FOXF2: variants seen among roughly 807,000 people sequenced by gnomAD.
FOXF2 encodes the protein forkhead box protein F2.
In FOXF2, 15 loss-of-function variants were observed where a neutral mutation model predicts 29.1. The observed-to-expected ratio is 0.52, with a 90% CI of 0.35 to 0.79. FOXF2 has a LOEUF of 0.79. Among genes scored for constraint, FOXF2 ranks in the 30% least tolerant of loss-of-function variants. The pLI, the probability that FOXF2 is intolerant of heterozygous loss-of-function variation, is 0.01. For synonymous variants in FOXF2, 337 were observed against 316.5 expected, an observed-to-expected ratio of 1.06 and a Z score of -0.69; for missense variants, 675 against 667.1, an observed-to-expected ratio of 1.01 and a Z score of -0.13.
intron 1 of FOXF2, among the ~76,000 whole-genome samples, chr6:1,394,283 C>T (rs1170248831): frequency 2.0e-5 from 3 of 152,140 alleles, no homozygotes; most frequent in Admixed American, 1.3e-4. Context: ...GGTGCTTGGC[C>T]CTCCCTGAAG....
At chr6:1,393,339 G>A (rs1581263460) in intron 1 of FOXF2, among the ~76,000 whole-genome samples, 1 of 152,096 alleles carries the variant, frequency 6.6e-6, no homozygotes, top group Non-Finnish European at 1.5e-5. Flanking sequence ...GCACATCAAA[G>A]CGCCGACGGC....
intron 1 of FOXF2, among the ~76,000 whole-genome samples, chr6:1,393,946 G>T (rs964426551): frequency 1.3e-5 from 2 of 152,216 alleles, no homozygotes; most frequent in African/African-American, 2.4e-5. Context: ...GGAGAGCAGG[G>T]TCCAGGCCTT....
intron 1 of FOXF2, 132 bp downstream of exon 1, chr6:1,391,250 C>A: frequency 6.8e-7 from 1 of 1,471,206 alleles, no homozygotes; most frequent in Non-Finnish European, 9.2e-7. Flanking sequence ...AAAGCAGATG[C>A]TGGGGAAAGC....
At chr6:1,391,620 G>C (rs1465265797) in intron 1 of FOXF2, among the ~76,000 whole-genome samples, 1 of 152,156 alleles carries the variant, frequency 6.6e-6, no homozygotes, top group Non-Finnish European at 1.5e-5. Flanking sequence ...AGCTGGGCAA[G>C]TGTTAAGAGG....
Position 1,391,068 on chromosome 6 carries a change from A to G in FOXF2, c.1121A>G (p.Tyr374Cys), listed in dbSNP as rs767804919. 4 of 1,603,230 alleles carry G rather than the reference A, an allele frequency of 2.5e-6. No individual in the cohort carries two copies. Among genetic ancestry groups the G allele is most frequent in the African/African-American group, 1.3e-5 (1 of 74,996 alleles). Residue 374 changes from tyrosine (Y) to cysteine (C), a missense_variant, in exon 1 of 2, where the codon TAC (tyrosine) becomes TGC (cysteine). Tyr to Cys is a radical substitution (Grantham distance 194). Coordinates refer to ENST00000645481, the MANE Select transcript of FOXF2 (RefSeq NM_001452.2). ...SAGLHSSMSS[Y>C]SLEQSYLHQN... ...GGCCTGCACTCCAGCATGTCCTCCT[A>G]CTCGCTGGAGCAGAGCTACTTGCAC...
rs1366298476 is a variant in FOXF2 at position 1,395,051 on chromosome 6, A to G, written c.*192A>G. 8.0e-6 allele frequency: 5 copies of G among 624,762 alleles called. No homozygotes were observed. The highest frequency in any genetic ancestry group is 1.4e-5 in the Non-Finnish European group (5 of 355,060). The allele number at this position is 624,762 out of a possible 1,614,324, so 38.7% of individuals were successfully genotyped here. A position where few individuals can be genotyped will look rare whatever the true frequency, so the allele number is the denominator to read the frequency against. On this transcript the variant is annotated 3_prime_UTR_variant, in exon 2 of 2. Coordinates refer to ENST00000645481, the MANE Select transcript of FOXF2 (RefSeq NM_001452.2). ...GCTGGAAGAAGGACAACCGCTGGCA[A>G]GGTAGCGTTCCCCAATCTGAATACC...
In FOXF2 at chr6:1,390,090, C is replaced by T; in HGVS notation, c.143C>T (p.Ser48Phe). 1.4e-6 allele frequency: 2 copies of T among 1,428,244 alleles called. No homozygotes were observed. Among genetic ancestry groups the T allele is most frequent in the Non-Finnish European group, 1.8e-6 (2 of 1,081,284 alleles). 88.5% of individuals were successfully genotyped at this position (1,428,244 alleles called of 1,614,324 possible). Residue 48 changes from serine to phenylalanine, a missense_variant, in exon 1 of 2, where the codon TCC becomes TTC. Physicochemically the swap from Ser to Phe is radical, Grantham distance 155 (BLOSUM62 -2). Coordinates refer to ENST00000645481, the MANE Select transcript of FOXF2 (RefSeq NM_001452.2). This position sits in a 1 kb window ranked among gnomAD's most constrained non-coding sequence, Gnocchi z 8.5. ...GCCGCCCCGGAGACCACCTCCTCCTCCTCGTCGTCGTCCTCCGCCTCCTGC... is the reference window on the plus strand; with the variant it reads ...GCCGCCCCGGAGACCACCTCCTCCTTCTCGTCGTCGTCCTCCGCCTCCTGC... ...AAAAPETTSS[S>F]SSSSSASCAS...
At chr6:1,393,430 C>T (rs1250499643) in intron 1 of FOXF2, among the ~76,000 whole-genome samples, 1 of 152,038 alleles carries the variant, frequency 6.6e-6, no homozygotes, top group Admixed American at 6.5e-5. Flanking sequence ...GCCATCAGAA[C>T]TTGCTTTAAC....
chr6:1,391,170 C>A, intron 1 of FOXF2, 52 bp downstream of exon 1: 1 of 1,589,110 alleles, frequency 6.3e-7, no homozygotes, highest in Non-Finnish European at 8.5e-7. Flanking sequence ...TTCTAGGCCT[C>A]CAGGGCTGGC....
intron 1 of FOXF2, among the ~76,000 whole-genome samples, chr6:1,392,980 T>C (rs1173759300): frequency 1.3e-5 from 2 of 152,170 alleles, no homozygotes; most frequent in Admixed American, 1.3e-4. Context: ...CCCGGCCCTG[T>C]TGCCATCTCC....
At position 1,390,573 on chromosome 6, in the gene FOXF2, G is replaced by A; in HGVS notation, c.626G>A (p.Arg209His). The part of the protein sequence containing the change: ...KCQALKPMYH[R>H]VVSGLGFGAS... ...CAGGCGCTCAAGCCCATGTACCACC[G>A]CGTGGTGAGCGGCTTGGGCTTCGGG... Residue 209 changes from arginine to histidine, a missense_variant, in exon 1 of 2, where the codon CGC becomes CAC. By Grantham distance (29) the Arg-to-His change is conservative. Transcript: ENST00000645481. This position sits in a 1 kb window ranked among gnomAD's most constrained non-coding sequence, Gnocchi z 8.5. 1.2e-6 allele frequency: 2 copies of A among 1,601,228 alleles called. No individual in the cohort carries two copies. Among genetic ancestry groups the A allele is most frequent in the East Asian group, 2.2e-5 (1 of 44,648 alleles).
rs1758777896 is a variant in FOXF2 at position 1,391,019 on chromosome 6, A to G, written c.1072A>G (p.Ser358Gly). ...YLKQPPALTP[S>G]SNPAASAGLH... is the part of the protein sequence containing the mutation. ...CAAGCAGCCGCCTGCCCTGACGCCC[A>G]GCAGCAACCCCGCCGCCTCGGCAGG... Residue 358 changes from serine (S) to glycine (G), a missense_variant, in exon 1 of 2, where the codon AGC becomes GGC. Ser to Gly is a moderately conservative substitution (Grantham distance 56, BLOSUM62 0). Around this residue, in one of 3 missense-constraint regions of FOXF2, gnomAD observed 451 missense variants for 437.2 expected, o/e 1.03. Coordinates refer to ENST00000645481, the MANE Select transcript of FOXF2 (RefSeq NM_001452.2). The G allele has an allele frequency of 6.3e-7, 1 of 1,598,964 alleles. No individual in the cohort carries two copies.
chr6:1,390,047 G>GCCA lies in FOXF2; in HGVS notation c.102_103insACC (p.Ala34_Ala35insThr). 1 of 1,335,464 alleles carries GCCA rather than the reference G, an allele frequency of 7.5e-7. No individual in the cohort carries two copies. The highest frequency in any genetic ancestry group is 9.7e-7 in the Non-Finnish European group (1 of 1,033,432). 82.7% of individuals were successfully genotyped at this position (1,335,464 alleles called of 1,614,324 possible). On this transcript the variant is annotated inframe_insertion, in exon 1 of 2. Transcript: ENST00000645481. The surrounding 1 kb of genome is among the most constrained non-coding windows in gnomAD (Gnocchi z 8.5). ...CGCCCTGATGAGCCCGCCGCCCGCC[G>GCCA]CCGCCGCCGCCGCCGCCGCCGCCCC...
Position 1,390,878 on chromosome 6 carries a change from G to C in FOXF2, c.931G>C (p.Asp311His), listed in dbSNP as rs1353528957. Residue 311 changes from aspartate to histidine, a missense_variant, in exon 1 of 2, where the codon GAC becomes CAC. Physicochemically the swap from Asp to His is moderately conservative, Grantham distance 81. Coordinates refer to ENST00000645481, the MANE Select transcript of FOXF2 (RefSeq NM_001452.2). The surrounding 1 kb of genome is among the most constrained non-coding windows in gnomAD (Gnocchi z 8.5). Reference sequence around the variant, plus strand: ...CGGCGGCGGCGGCGACTACGGGCCGGACAGCAGCAGCAGCCCGGTACCCTC... The same window carrying C: ...CGGCGGCGGCGGCGACTACGGGCCGCACAGCAGCAGCAGCCCGGTACCCTC... ...GGGGGGDYGPDSSSSPVPSSP... is the reference protein window; with the variant it reads ...GGGGGGDYGPHSSSSPVPSSP... The C allele has an allele frequency of 1.4e-5, 21 of 1,526,774 alleles. No homozygotes were observed. In the East Asian group the frequency reaches 5.3e-4, roughly 38 times the overall value. 94.6% of individuals were successfully genotyped at this position (1,526,774 alleles called of 1,614,324 possible).
intron 1 of FOXF2, among the ~76,000 whole-genome samples, chr6:1,391,340 T>C (rs41314183): frequency 0.017 from 2,581 of 152,302 alleles, 46 homozygotes; most frequent in Middle Eastern, 0.041. Flanking sequence ...AGCTTCAGAA[T>C]TGTCTGGCTG....
chr6:1,390,719 G>A lies in FOXF2; in HGVS notation c.772G>A (p.Gly258Ser). The change falls in exon 1 of 2, where the codon GGC becomes AGC. Residue 258 changes from glycine (G) to serine (S), a missense_variant. By Grantham distance (56) the Gly-to-Ser change is moderately conservative. Transcript: ENST00000645481. The surrounding 1 kb of genome is among the most constrained non-coding windows in gnomAD (Gnocchi z 8.5). The stretch of plus-strand genomic sequence containing the variant: ...GCCCGCGGGCTACGACGCCGGCGCG[G>A]GCGCCCCCAGCCACGCGCACCCTCA... ...MMPAGYDAGA[G>S]APSHAHPHHH... 1 of 1,439,950 alleles carries A rather than the reference G, an allele frequency of 6.9e-7. No individual in the cohort carries two copies. Among genetic ancestry groups the A allele is most frequent in the Non-Finnish European group, 9.0e-7 (1 of 1,107,682 alleles). The allele number at this position is 1,439,950 out of a possible 1,614,324, so 89.2% of individuals were successfully genotyped here. A position where few individuals can be genotyped will look rare whatever the true frequency, so the allele number is the denominator to read the frequency against.
intron 1 of FOXF2, among the ~76,000 whole-genome samples, chr6:1,391,920 G>T (rs1489480825): frequency 6.6e-6 from 1 of 152,246 alleles, no homozygotes; most frequent in Non-Finnish European, 1.5e-5. Context: ...GGCGGTGAAA[G>T]GTGGGAGGGG....
At position 1,394,876 on chromosome 6, in the gene FOXF2, C is replaced by T. The variant is rs1200133369; in HGVS notation, c.*17C>T. 6.2e-6 allele frequency: 10 copies of T among 1,613,698 alleles called. No homozygotes were observed. Among genetic ancestry groups the T allele is most frequent in the East Asian group, 4.5e-5 (2 of 44,864 alleles). Reference sequence around the variant, plus strand: ...GTCATGTGAACGGAAAGAGGCCAAGCGATGGCCGCTCTCTCCTCTCCCCTC... The same window carrying T: ...GTCATGTGAACGGAAAGAGGCCAAGTGATGGCCGCTCTCTCCTCTCCCCTC... On this transcript the variant is annotated 3_prime_UTR_variant, in exon 2 of 2. Transcript: ENST00000645481.
chr6:1,394,725 A>G lies in FOXF2; in HGVS notation c.1201A>G (p.Thr401Ala). 6.2e-7 allele frequency: 1 copy of G among 1,613,834 alleles called. No individual in the cohort carries two copies. The highest frequency in any genetic ancestry group is 8.5e-7 in the Non-Finnish European group (1 of 1,179,948). Reference protein sequence around the residue: ...VGLPRYQHHSTPVCDRKDFVL... With the variant: ...VGLPRYQHHSAPVCDRKDFVL... ...ACTGCCCCGTTACCAGCATCACTCT[A>G]CTCCAGTGTGTGACAGAAAAGATTT... Residue 401 changes from threonine to alanine, a missense_variant, in exon 2 of 2, where the codon ACT becomes GCT. This residue lies in a region of FOXF2 where 451 missense variants were observed against 437.2 expected (regional missense o/e 1.03). Coordinates refer to ENST00000645481, the MANE Select transcript of FOXF2 (RefSeq NM_001452.2).
Sources: allele counts gnomAD v4.1 joint callset (sites outside exome capture counted in the v4.1 genomes callset), GRCh38; gene constraint gnomAD v4.1.1; regional missense constraint gnomAD v4.1.1; non-coding constraint Gnocchi (gnomAD v3.1); transcripts MANE v1.5; gene names NCBI Gene and HGNC (gene_info 2026-07-23, HGNC 2026-07-21).